The following DNAAF5 variants were observed in gnomAD, a reference collection of about 807,000 sequenced individuals.
DNAAF5 encodes the protein HEAT repeat containing 2.
Under a neutral mutation model 75.8 loss-of-function variants are expected in DNAAF5, and 64 were observed. The observed-to-expected ratio is 0.84, with a 90% CI of 0.69 to 1.04. DNAAF5 has a LOEUF of 1.04. DNAAF5 is among the 50% of genes least tolerant of loss of function. The pLI is 0.00. For synonymous variants in DNAAF5, 657 were observed against 557.2 expected (o/e 1.18, Z -2.52); for missense variants, 1,269 against 1,178.5 (o/e 1.08, Z -1.12).
chr7:770,054 T>G (rs545898183), intron 8 of DNAAF5, among the ~76,000 whole-genome samples: 47 of 152,266 alleles, frequency 3.1e-4, no homozygotes, highest in Middle Eastern at 6.8e-3. Flanking sequence ...CAGGTTCAAG[T>G]GATTCTCCTG....
At chr7:770,974 G>T (rs151210076) in intron 9 of DNAAF5, 3 of 202,624 alleles carry the variant, frequency 1.5e-5, no homozygotes, top group African/African-American at 6.8e-5. Context: ...ACAAGCTCTC[G>T]GCAGGGAATG....
intron 4 of DNAAF5, among the ~76,000 whole-genome samples, chr7:748,402 G>T (rs910352364): frequency 1.3e-5 from 2 of 152,230 alleles, no homozygotes; most frequent in African/African-American, 4.8e-5. Context: ...GTGCTGTGGT[G>T]TGCTTCTGTG....
chr7:760,395 TTGA>T, intron 6 of DNAAF5, among the ~76,000 whole-genome samples: 1 of 152,368 alleles, frequency 6.6e-6, no homozygotes, highest in African/African-American at 2.4e-5. Flanking sequence ...ATGTACACTG[TTGA>T]TAAATCACGT....
intron 6 of DNAAF5, among the ~76,000 whole-genome samples, chr7:760,777 G>A (rs1407208350): frequency 6.6e-6 from 1 of 152,252 alleles, no homozygotes; most frequent in Non-Finnish European, 1.5e-5. Context: ...GGATGAGGCT[G>A]GAGCCGGGAG....
At chr7:761,929 T>C (rs1183999672) in intron 7 of DNAAF5, 33 bp downstream of exon 7, 10 of 1,549,396 alleles carry the variant, frequency 6.5e-6, no homozygotes, top group Non-Finnish European at 8.7e-6. Context: ...CTGCTTGACC[T>C]AGCGGAGCTC....
chr7:761,632 C>T, intron 6 of DNAAF5, 121 bp from the exon 7 acceptor site: 1 of 1,018,018 alleles, frequency 9.8e-7, no homozygotes, highest in Non-Finnish European at 1.4e-6. Flanking sequence ...GATTCAGTTC[C>T]CTCCCACAGG....
At chr7:755,709 C>T (rs866748223) in intron 5 of DNAAF5, among the ~76,000 whole-genome samples, 3 of 151,990 alleles carry the variant, frequency 2.0e-5, no homozygotes, top group South Asian at 4.2e-4. Context: ...CCAGCCTGGG[C>T]GACGGAATGA....
intron 9 of DNAAF5, 119 bp downstream of exon 9, chr7:770,737 C>T (rs1477566714): frequency 1.4e-5 from 14 of 976,228 alleles, no homozygotes; most frequent in Admixed American, 2.5e-5. Context: ...CAACACTGCA[C>T]TGCGCAAGGG....
At chr7:770,770 ACT>A in intron 9 of DNAAF5, 152 bp downstream of exon 9, 1 of 662,330 alleles carries the variant, frequency 1.5e-6, no homozygotes, top group Non-Finnish European at 2.4e-6. Flanking sequence ...CCTCCCCCAC[ACT>A]GAGTCAAAGG....
intron 4 of DNAAF5, among the ~76,000 whole-genome samples, chr7:744,268 C>G (rs1477272070): frequency 3.9e-5 from 6 of 152,148 alleles, no homozygotes; most frequent in African/African-American, 1.2e-4. Flanking sequence ...AGGACATGAA[C>G]TCATCATTTT....
chr7:727,257 C>T lies in DNAAF5; in HGVS notation c.537C>T (p.Phe179=), dbSNP rs1781359390. ...RALRCSLLDP[F]AAVRRESCSC... ...TGCGCTGCTCCCTGCTCGACCCCTT[C>T]GCCGCCGTGCGCCGCGAGAGCTGCA... The change falls in exon 1 of 13, where the codon TTC becomes TTT. Residue 179 remains phenylalanine, a synonymous_variant. Coordinates refer to ENST00000297440, the MANE Select transcript of DNAAF5 (RefSeq NM_017802.4). 4 of 1,332,194 alleles carry T rather than the reference C, an allele frequency of 3.0e-6. No individual in the cohort carries two copies. Among genetic ancestry groups the T allele is most frequent in the Non-Finnish European group, 3.8e-6 (4 of 1,045,568 alleles). The allele number at this position is 1,332,194 out of a possible 1,614,324, so 82.5% of individuals were successfully genotyped here.
chr7:780,159 G>T lies in DNAAF5; in HGVS notation c.2431+15G>T, dbSNP rs781267810. 15 of 1,610,620 alleles carry T rather than the reference G, an allele frequency of 9.3e-6. No homozygotes were observed. The South Asian group carries it at 1.4e-4, about 15-fold the overall frequency. ...TGCAATTTTAGGTGAGACTCCGACG[G>T]CTTGGCCTTCGTTCCGATGCCTGCT... On this transcript the variant is annotated intron_variant, in intron 12 of 12. Coordinates refer to ENST00000297440, the MANE Select transcript of DNAAF5 (RefSeq NM_017802.4).
In DNAAF5 at chr7:774,153, C is replaced by T. The variant is rs1486550754; in HGVS notation, c.2037C>T (p.Ser679=). ...TAAAIRTAAV[S]CLWALTSSEV... Reference sequence around the variant, plus strand: ...CGGCCATCCGCACGGCTGCCGTGTCCTGCCTCTGGGCGCTCACCAGCAGCG... The same window carrying T: ...CGGCCATCCGCACGGCTGCCGTGTCTTGCCTCTGGGCGCTCACCAGCAGCG... Residue 679 remains serine (S), a synonymous_variant, in exon 10 of 13, where the codon TCC becomes TCT. Transcript: ENST00000297440. 2 of 1,612,480 alleles carry T rather than the reference C, an allele frequency of 1.2e-6. No individual in the cohort carries two copies. The highest frequency in any genetic ancestry group is 1.7e-5 in the Admixed American group (1 of 59,992).
chr7:780,169 C>T, intron 12 of DNAAF5, 25 bp downstream of exon 12: 6 of 1,603,746 alleles, frequency 3.7e-6, no homozygotes, highest in African/African-American at 1.3e-5. Context: ...GCTTGGCCTT[C>T]GTTCCGATGC....
At chr7:748,618 C>T (rs964549100) in intron 4 of DNAAF5, among the ~76,000 whole-genome samples, 1 of 152,156 alleles carries the variant, frequency 6.6e-6, no homozygotes. Flanking sequence ...ATCCCCCCTG[C>T]TCTGTTTCCT....
At position 756,794 on chromosome 7, in the gene DNAAF5, G is replaced by A. The variant is rs141828030; in HGVS notation, c.1270G>A (p.Ala424Thr). 252 of 1,613,736 alleles carry A rather than the reference G, an allele frequency of 1.6e-4. 1 individual carries two copies. The East Asian group carries it at 4.0e-3, about 26-fold the overall frequency. ...TTCTTTCTCGCAGTGTACCAGATCC[G>A]CAGAGCTCGTCGGGACGTTTGTCAG... ...AAVVQSCTRS[A>T]ELVGTFVSPE... The change falls in exon 6 of 13, where the codon GCA (alanine) becomes ACA (threonine). Residue 424 changes from alanine (A) to threonine (T), a missense_variant. Physicochemically the swap from Ala to Thr is moderately conservative, Grantham distance 58. Transcript: ENST00000297440.
At position 726,862 on chromosome 7, in the gene DNAAF5, C is replaced by A; in HGVS notation, c.142C>A (p.Arg48Ser). ...LEADSKPGRR[R>S]ALEALRRALE... ...GGCCGACAGCAAGCCGGGCCGGCGG[C>A]GCGCCTTGGAGGCCCTGCGGCGCGC... is the stretch of plus-strand genomic sequence containing the variant. The change falls in exon 1 of 13, where the codon CGC becomes AGC. Residue 48 changes from arginine to serine, a missense_variant. Arg to Ser is a moderately radical substitution (Grantham distance 110). Coordinates refer to ENST00000297440, the MANE Select transcript of DNAAF5 (RefSeq NM_017802.4). The A allele has an allele frequency of 7.6e-7, 1 of 1,316,292 alleles. No homozygotes were observed. Among genetic ancestry groups the A allele is most frequent in the Admixed American group, 3.8e-5 (1 of 26,092 alleles). 81.5% of individuals were successfully genotyped at this position (1,316,292 alleles called of 1,614,324 possible). A position where few individuals can be genotyped will look rare whatever the true frequency, so the allele number is the denominator to read the frequency against.
At position 744,067 on chromosome 7, in the gene DNAAF5, C is replaced by G. The variant is rs1782006487; in HGVS notation, c.1024+2602C>G. On this transcript the variant is annotated intron_variant, in intron 4 of 12. Coordinates refer to ENST00000297440, the MANE Select transcript of DNAAF5 (RefSeq NM_017802.4). The stretch of plus-strand genomic sequence containing the variant: ...ACTCGTCATTTAGCATTAGGTATAT[C>G]TCCTAATGCTATCCCTCCCCCCTCA... Among the ~76,000 whole-genome samples the G allele has an allele frequency of 3.3e-5, 5 of 151,930 alleles. No individual in the cohort carries two copies. In the South Asian group the frequency reaches 1.0e-3, roughly 32 times the overall value.
In DNAAF5 at chr7:727,271, G is replaced by T. The variant is rs1781360857; in HGVS notation, c.551G>T (p.Arg184Leu). Reference sequence around the variant, plus strand: ...CTCGACCCCTTCGCCGCCGTGCGCCGCGAGAGCTGCAGCTGCGCCGCCGCC... The same window carrying T: ...CTCGACCCCTTCGCCGCCGTGCGCCTCGAGAGCTGCAGCTGCGCCGCCGCC... ...SLLDPFAAVR[R>L]ESCSCAAALA... The change falls in exon 1 of 13, where the codon CGC (arginine) becomes CTC (leucine). Residue 184 changes from arginine (R) to leucine (L), a missense_variant. Physicochemically the swap from Arg to Leu is moderately radical, Grantham distance 102. Transcript: ENST00000297440. 2 of 1,322,296 alleles carry T rather than the reference G, an allele frequency of 1.5e-6. No individual in the cohort carries two copies. Among genetic ancestry groups the T allele is most frequent in the Non-Finnish European group, 9.6e-7 (1 of 1,040,078 alleles). The allele number at this position is 1,322,296 out of a possible 1,614,324, so 81.9% of individuals were successfully genotyped here. A position where few individuals can be genotyped will look rare whatever the true frequency, so the allele number is the denominator to read the frequency against.
Sources: allele counts gnomAD v4.1 joint callset (sites outside exome capture counted in the v4.1 genomes callset), GRCh38; gene constraint gnomAD v4.1.1; transcripts MANE v1.5; gene names NCBI Gene and HGNC (gene_info 2026-07-23, HGNC 2026-07-21).